Variants in SMARCAD1 observed in about 807,000 individuals in gnomAD.
SMARCAD1 encodes SWI/SNF-related matrix-associated actin-dependent regulator of chromatin subfamily A containing DEAD/H box 1.
A neutral mutation model predicts 127.1 loss-of-function variants in SMARCAD1; 25 were observed. The observed-to-expected ratio is 0.20, with a 90% CI of 0.14 to 0.27. The LOEUF is 0.27. SMARCAD1 is among the 10% of genes least tolerant of loss of function. The pLI, the probability that SMARCAD1 is intolerant of heterozygous loss-of-function variation, is 1.00. For synonymous variants in SMARCAD1, 400 were observed against 396.9 expected (o/e 1.01, Z -0.09); for missense variants, 807 against 1,206.0 (o/e 0.67, Z 4.90).
chr4:94,283,371 A>G, intron 22 of SMARCAD1, 68 bp downstream of exon 22: 1 of 1,467,666 alleles, frequency 6.8e-7, no homozygotes, highest in East Asian at 2.3e-5. Context: ...CCATTAGAAT[A>G]TAGTGTTGGA....
In SMARCAD1 at chr4:94,281,468, A is replaced by G. The variant is rs1369689869; in HGVS notation, c.2608-4A>G. On this transcript the variant is annotated splice_polypyrimidine_tract_variant and splice_region_variant and intron_variant, in intron 20 of 23. Coordinates refer to ENST00000354268, the MANE Select transcript of SMARCAD1 (RefSeq NM_020159.5). The stretch of plus-strand genomic sequence containing the variant: ...ATTTCTAATTCATGTATGTATTTTC[A>G]CAGGGTGATAGAGTTGTGTTATTTA... The G allele has an allele frequency of 6.3e-7, 1 of 1,582,672 alleles. No individual in the cohort carries two copies. The highest frequency in any genetic ancestry group is 8.7e-7 in the Non-Finnish European group (1 of 1,151,676).
intron 2 of SMARCAD1, among the ~76,000 whole-genome samples, chr4:94,213,746 T>C (rs1042044407): frequency 2.0e-5 from 3 of 152,020 alleles, no homozygotes; most frequent in Admixed American, 2.0e-4. Flanking sequence ...AGCTGGAGGA[T>C]TGACACCATG....
At chr4:94,282,362 C>T (rs908589385) in intron 21 of SMARCAD1, among the ~76,000 whole-genome samples, 1 of 151,580 alleles carries the variant, frequency 6.6e-6, no homozygotes, top group African/African-American at 2.4e-5. Flanking sequence ...TCCCAAAGTG[C>T]TGGGATTACA....
rs1412923838 is a variant in SMARCAD1 at position 94,236,485 on chromosome 4, C to T, written c.538-467C>T. On this transcript the variant is annotated intron_variant, in intron 4 of 23. Coordinates refer to ENST00000354268, the MANE Select transcript of SMARCAD1 (RefSeq NM_020159.5). ...GCAGTATTAGATTTTTTTAAAAGAGCAGAATTGTCCTTTTTCCCCTAGAAA... is the reference window on the plus strand; with the variant it reads ...GCAGTATTAGATTTTTTTAAAAGAGTAGAATTGTCCTTTTTCCCCTAGAAA... 2.6e-5 allele frequency among the ~76,000 whole-genome samples: 4 copies of T among 152,002 alleles called. No individual in the cohort carries two copies. The East Asian group carries it at 7.7e-4, about 29-fold the overall frequency.
intron 2 of SMARCAD1, among the ~76,000 whole-genome samples, chr4:94,215,382 AG>A (rs1436191192): frequency 1.3e-5 from 2 of 152,102 alleles, no homozygotes; most frequent in Non-Finnish European, 2.9e-5. Context: ...GCACTTTGGG[AG>A]GCCGAGGCAG....
At chr4:94,266,763 A>G (rs1254376560) in intron 10 of SMARCAD1, among the ~76,000 whole-genome samples, 1 of 152,130 alleles carries the variant, frequency 6.6e-6, no homozygotes, top group Non-Finnish European at 1.5e-5. Flanking sequence ...GTTCTTCATG[A>G]CGAAGTTTAC....
At chr4:94,221,145 T>C (rs1744057710) in intron 2 of SMARCAD1, among the ~76,000 whole-genome samples, 3 of 152,248 alleles carry the variant, frequency 2.0e-5, no homozygotes, top group Admixed American at 2.0e-4. Context: ...GGAAAACTAG[T>C]GTCCATGACT....
Position 94,280,660 on chromosome 4 carries a change from A to G in SMARCAD1, c.2487A>G (p.Glu829=). ...ATATGGAAGTTATGACAGACTTCGA[A>G]CTACATGTACTTTGTAAACAGTACC... is the stretch of plus-strand genomic sequence containing the variant. ...FEDMEVMTDF[E]LHVLCKQYRH... The change falls in exon 20 of 24, where the codon GAA becomes GAG. Residue 829 remains glutamate, a synonymous_variant. Transcript: ENST00000354268. The G allele has an allele frequency of 6.2e-7, 1 of 1,613,820 alleles. No individual in the cohort carries two copies.
At chr4:94,289,243 T>C (rs1426195484) in intron 23 of SMARCAD1, among the ~76,000 whole-genome samples, 1 of 152,120 alleles carries the variant, frequency 6.6e-6, no homozygotes, top group Non-Finnish European at 1.5e-5. Context: ...TTTATAAAAT[T>C]GGAAAAATAA....
chr4:94,247,802 C>CT (rs1748678108), intron 6 of SMARCAD1, among the ~76,000 whole-genome samples: 1 of 152,120 alleles, frequency 6.6e-6, no homozygotes, highest in African/African-American at 2.4e-5. Context: ...TGTCTAGCCT[C>CT]TTATTTTTTA....
chr4:94,208,266 C>T (rs771610520), intron 1 of SMARCAD1, 80 bp from the exon 2 acceptor site: 1 of 1,011,134 alleles, frequency 9.9e-7, no homozygotes, highest in Non-Finnish European at 1.6e-6. Flanking sequence ...CCCTTTATTG[C>T]CTTGGGAATA....
intron 2 of SMARCAD1, among the ~76,000 whole-genome samples, chr4:94,216,280 G>C (rs369866384): frequency 6.6e-6 from 1 of 152,024 alleles, no homozygotes; most frequent in African/African-American, 2.4e-5. Flanking sequence ...ACCGTTTTGG[G>C]GAGTGGGGCA....
At chr4:94,211,018 A>G (rs1014484645) in intron 2 of SMARCAD1, among the ~76,000 whole-genome samples, 1 of 151,744 alleles carries the variant, frequency 6.6e-6, no homozygotes, top group Non-Finnish European at 1.5e-5. Context: ...CACCCCTGTA[A>G]TCCCAGCACT....
rs537153533 is a variant in SMARCAD1 at position 94,253,299 on chromosome 4, A to G, written c.1281+292A>G. 47 of 1,385,068 alleles carry G rather than the reference A, an allele frequency of 3.4e-5. No individual in the cohort carries two copies. The African/African-American group carries it at 5.9e-4, about 17-fold the overall frequency. The allele number at this position is 1,385,068 out of a possible 1,614,324, so 85.8% of individuals were successfully genotyped here. On this transcript the variant is annotated intron_variant, in intron 9 of 23. Coordinates refer to ENST00000354268, the MANE Select transcript of SMARCAD1 (RefSeq NM_020159.5). ...CGTTCATTTCACTGCAGAAGAAGAA[A>G]TTAGAGCTTACATTTAGGAAGGAGT... is the stretch of plus-strand genomic sequence containing the variant.
chr4:94,230,769 A>G (rs759739969), intron 3 of SMARCAD1, among the ~76,000 whole-genome samples: 2 of 152,212 alleles, frequency 1.3e-5, no homozygotes, highest in Non-Finnish European at 2.9e-5. Flanking sequence ...GGAAGCATTC[A>G]TAGACAAGAA....
chr4:94,212,400 C>G (rs1255075046), intron 2 of SMARCAD1, among the ~76,000 whole-genome samples: 1 of 152,062 alleles, frequency 6.6e-6, no homozygotes, highest in Non-Finnish European at 1.5e-5. Context: ...GTGTCAAACT[C>G]CTGACGTCAA....
In SMARCAD1 at chr4:94,252,864, G is replaced by A. The variant is rs2059700973; in HGVS notation, c.1138G>A (p.Val380Met). ...TGAGGACTATAGTAGTGGTGAAGAA[G>A]TGATGGAGGATGGCTATAAAGGTAA... ...LDEDYSSGEE[V>M]MEDGYKGKIL... Residue 380 changes from valine to methionine, a missense_variant, in exon 9 of 24, where the codon GTG becomes ATG. Physicochemically the swap from Val to Met is conservative, Grantham distance 21. Coordinates refer to ENST00000354268, the MANE Select transcript of SMARCAD1 (RefSeq NM_020159.5). 6.2e-7 allele frequency: 1 copy of A among 1,614,120 alleles called. No individual in the cohort carries two copies. Among genetic ancestry groups the A allele is most frequent in the Non-Finnish European group, 8.5e-7 (1 of 1,179,998 alleles).
At chr4:94,264,112 G>A (rs945109649) in intron 9 of SMARCAD1, among the ~76,000 whole-genome samples, 2 of 151,802 alleles carry the variant, frequency 1.3e-5, no homozygotes, top group Non-Finnish European at 3.0e-5. Context: ...GTTAACTTTT[G>A]ATTCATGTGA....
intron 9 of SMARCAD1, among the ~76,000 whole-genome samples, chr4:94,255,751 T>A (rs890888632): frequency 3.9e-5 from 6 of 152,284 alleles, no homozygotes; most frequent in Admixed American, 2.0e-4. Flanking sequence ...TGATTTTTTT[T>A]AAAGTATATT....
Sources: allele counts gnomAD v4.1 joint callset (sites outside exome capture counted in the v4.1 genomes callset), GRCh38; gene constraint gnomAD v4.1.1; transcripts MANE v1.5; gene names NCBI Gene and HGNC (gene_info 2026-07-23, HGNC 2026-07-21).